Variants in MAP3K4 observed in about 807,000 individuals in gnomAD.
MAP3K4 encodes MAP three kinase 1.
In MAP3K4, 67 loss-of-function variants were observed where a neutral mutation model predicts 185.6. The ratio of observed to expected loss-of-function variants is 0.36; its 90% CI spans 0.30 to 0.44. The LOEUF is 0.44. Ranked by LOEUF, MAP3K4 falls within the 20% of genes least tolerant of loss-of-function variation. The probability of loss-of-function intolerance (pLI) is 1.00; values close to 1 mark genes in which losing one functional copy is unlikely to be tolerated. For missense variants in MAP3K4, 1,551 were observed against 1,995.1 expected, an observed-to-expected ratio of 0.78 and a Z score of 4.24; for synonymous variants, 702 against 710.4, an observed-to-expected ratio of 0.99 and a Z score of 0.19.
chr6:161,048,228 ATATATTTT>A lies in MAP3K4; in HGVS notation c.344-387_344-380del, dbSNP rs772009341. The A allele has an allele frequency of 1.9e-6, 1 of 534,824 alleles. No homozygotes were observed. Among genetic ancestry groups the A allele is most frequent in the South Asian group, 1.4e-5 (1 of 71,102 alleles). The allele number at this position is 534,824 out of a possible 1,614,324, so 33.1% of individuals were successfully genotyped here. ...AGCTAATGACAAATGCAGGAATTAA[ATATATTTT>A]CTCATCCAGGTGTCCGTCAGATCTC... On this transcript the variant is annotated intron_variant, in intron 2 of 26. Transcript: ENST00000392142. The surrounding 1 kb of genome is among the most constrained non-coding windows in gnomAD (Gnocchi z 4.7).
intron 1 of MAP3K4, among the ~76,000 whole-genome samples, chr6:161,030,452 T>G (rs1782872262): frequency 6.6e-6 from 1 of 152,164 alleles, no homozygotes; most frequent in Admixed American, 6.5e-5. Flanking sequence ...TTTGTTTGTT[T>G]GTTTGATTGA....
chr6:161,060,901 C>T (rs911220519), intron 3 of MAP3K4, among the ~76,000 whole-genome samples: 8 of 151,986 alleles, frequency 5.3e-5, no homozygotes, highest in South Asian at 2.1e-4. Flanking sequence ...ATTACAGGCA[C>T]GAGCCACCGC....
At position 161,087,508 on chromosome 6, in the gene MAP3K4, C is replaced by T. The variant is rs985282802; in HGVS notation, c.2557-180C>T. ...TCCTCCAGTGCGTTCACAGACTCTCCTCCTCCTGCCTCCTTCAGTCACACT... is the reference window on the plus strand; with the variant it reads ...TCCTCCAGTGCGTTCACAGACTCTCTTCCTCCTGCCTCCTTCAGTCACACT... On this transcript the variant is annotated intron_variant, in intron 9 of 26. Coordinates refer to ENST00000392142, the MANE Select transcript of MAP3K4 (RefSeq NM_005922.4). This position sits in a 1 kb window ranked among gnomAD's most constrained non-coding sequence, Gnocchi z 4.9. 6.6e-6 allele frequency among the ~76,000 whole-genome samples: 1 copy of T among 152,122 alleles called. No homozygotes were observed.
chr6:160,994,981 G>C (rs1156775838), intron 1 of MAP3K4, among the ~76,000 whole-genome samples: 1 of 152,234 alleles, frequency 6.6e-6, no homozygotes, highest in Non-Finnish European at 1.5e-5. Flanking sequence ...TTACAGGCGT[G>C]AGCCACTGCG....
In MAP3K4 at chr6:161,048,480, A is replaced by G; in HGVS notation, c.344-136A>G. ...TTTTTTGATTCCTTTAATTTTTAGGATATGGTATGCTTTTTTTTCTTCCAT... is the reference window on the plus strand; with the variant it reads ...TTTTTTGATTCCTTTAATTTTTAGGGTATGGTATGCTTTTTTTTCTTCCAT... On this transcript the variant is annotated intron_variant, in intron 2 of 26. Coordinates refer to ENST00000392142, the MANE Select transcript of MAP3K4 (RefSeq NM_005922.4). The surrounding 1 kb of genome is among the most constrained non-coding windows in gnomAD (Gnocchi z 4.7). The G allele has an allele frequency of 1.6e-6, 1 of 606,604 alleles. No individual in the cohort carries two copies. The highest frequency in any genetic ancestry group is 2.8e-6 in the Non-Finnish European group (1 of 357,480). The allele number at this position is 606,604 out of a possible 1,614,324, so 37.6% of individuals were successfully genotyped here.
chr6:161,009,054 G>A (rs968940669), intron 1 of MAP3K4, among the ~76,000 whole-genome samples: 2 of 149,606 alleles, frequency 1.3e-5, no homozygotes, highest in African/African-American at 2.5e-5. Context: ...GCACGATCTC[G>A]GCTTACCACA....
rs1337939793 is a variant in MAP3K4, at chr6:161,053,502, T to C, written c.1707+3523T>C. ...CAACTGTATTTTTATTTTTAAGATATCTTCTGCCTTTTAACCTCTGCCAAA... is the reference window on the plus strand; with the variant it reads ...CAACTGTATTTTTATTTTTAAGATACCTTCTGCCTTTTAACCTCTGCCAAA... On this transcript the variant is annotated intron_variant, in intron 3 of 26. Transcript: ENST00000392142. This position sits in a 1 kb window ranked among gnomAD's most constrained non-coding sequence, Gnocchi z 4.2. Among the ~76,000 whole-genome samples the C allele has an allele frequency of 1.3e-5, 2 of 152,244 alleles. No individual in the cohort carries two copies. Among genetic ancestry groups the C allele is most frequent in the African/African-American group, 2.4e-5 (1 of 41,466 alleles).
intron 1 of MAP3K4, among the ~76,000 whole-genome samples, chr6:161,014,907 C>T (rs554170341): frequency 6.6e-6 from 1 of 152,288 alleles, no homozygotes; most frequent in South Asian, 2.1e-4. Context: ...ATTACCAACC[C>T]CCTGCCCGGT....
Position 161,022,151 on chromosome 6 carries a change from A to G in MAP3K4, c.153-12108A>G, listed in dbSNP as rs1408089944. On this transcript the variant is annotated intron_variant, in intron 1 of 26. Transcript: ENST00000392142. This position sits in a 1 kb window ranked among gnomAD's most constrained non-coding sequence, Gnocchi z 4.2. ...CTCATGTGAAAGGAACGGAGACTCA[A>G]GCCTGATCTGATGAGGCTGTGTTAG... 2 of 152,246 alleles carry G rather than the reference A, an allele frequency of 1.3e-5. No individual in the cohort carries two copies. Among genetic ancestry groups the G allele is most frequent in the African/African-American group, 2.4e-5 (1 of 41,464 alleles). 9.4% of individuals were successfully genotyped at this position (152,246 alleles called of 1,614,324 possible). A position where few individuals can be genotyped will look rare whatever the true frequency, so the allele number is the denominator to read the frequency against.
chr6:161,036,460 T>G (rs1030732720), intron 2 of MAP3K4, among the ~76,000 whole-genome samples: 2 of 152,366 alleles, frequency 1.3e-5, no homozygotes, highest in African/African-American at 2.4e-5. Context: ...AAAAGTAGCT[T>G]CTTTTACCAT....
At chr6:161,083,669 TTA>T (rs1785563818) in intron 6 of MAP3K4, among the ~76,000 whole-genome samples, 1 of 152,218 alleles carries the variant, frequency 6.6e-6, no homozygotes. Flanking sequence ...TTAATCATAT[TTA>T]TTGTTCTTCC....
rs975077609 is a variant in MAP3K4 at position 161,051,749 on chromosome 6, C to T, written c.1707+1770C>T. ...GTAGTATTTACATACAACCTATGTG[C>T]ATCCTCCTGTATGCTTTAAATCATC... On this transcript the variant is annotated intron_variant, in intron 3 of 26. Transcript: ENST00000392142. This position sits in a 1 kb window ranked among gnomAD's most constrained non-coding sequence, Gnocchi z 4.2. Among the ~76,000 whole-genome samples, 4 of 152,196 alleles carry T rather than the reference C, an allele frequency of 2.6e-5. No individual in the cohort carries two copies. Among genetic ancestry groups the T allele is most frequent in the African/African-American group, 9.7e-5 (4 of 41,446 alleles).
intron 1 of MAP3K4, among the ~76,000 whole-genome samples, chr6:161,004,084 A>G (rs1187595418): frequency 1.4e-5 from 2 of 141,856 alleles, no homozygotes; most frequent in Non-Finnish European, 3.1e-5. Flanking sequence ...TATCAGAGAA[A>G]GAGATTCTGT....
rs974111967 is a variant in MAP3K4 at position 161,067,718 on chromosome 6, G to A, written c.1708-2890G>A. On this transcript the variant is annotated intron_variant, in intron 3 of 26. Coordinates refer to ENST00000392142, the MANE Select transcript of MAP3K4 (RefSeq NM_005922.4). This position sits in a 1 kb window ranked among gnomAD's most constrained non-coding sequence, Gnocchi z 6.3. ...GATGTCAGGTTATAATAGACTAAAC[G>A]TCTGTGTTTTAAGAGACAAGAATTT... Among the ~76,000 whole-genome samples, 3 of 152,168 alleles carry A rather than the reference G, an allele frequency of 2.0e-5. No individual in the cohort carries two copies. Among genetic ancestry groups the A allele is most frequent in the African/African-American group, 4.8e-5 (2 of 41,444 alleles).
rs1210435419 is a variant in MAP3K4, at chr6:161,077,493, A to C, written c.2098-3388A>C. 2.6e-5 allele frequency among the ~76,000 whole-genome samples: 4 copies of C among 152,304 alleles called. No individual in the cohort carries two copies. In the East Asian group the frequency reaches 7.7e-4, roughly 29 times the overall value. On this transcript the variant is annotated intron_variant, in intron 5 of 26. Coordinates refer to ENST00000392142, the MANE Select transcript of MAP3K4 (RefSeq NM_005922.4). The surrounding 1 kb of genome is among the most constrained non-coding windows in gnomAD (Gnocchi z 4.3). ...GTAGCAGGTGCGGTCCGCTTGGGAA[A>C]GGAGCCTGGCAAGAGCAAGGCACCG...
intron 3 of MAP3K4, among the ~76,000 whole-genome samples, chr6:161,065,214 A>G (rs916672133): frequency 6.6e-6 from 1 of 152,222 alleles, no homozygotes; most frequent in African/African-American, 2.4e-5. Context: ...TGCTTCTGCT[A>G]TGTGAAGGTT....
chr6:160,996,892 G>T lies in MAP3K4; in HGVS notation c.152+4809G>T, dbSNP rs190210382. ...GAGTTGAATGATCCCGGTGACTCATGTTAGCAGACCAGTGAGGTGGGCTTG... is the reference window on the plus strand; with the variant it reads ...GAGTTGAATGATCCCGGTGACTCATTTTAGCAGACCAGTGAGGTGGGCTTG... On this transcript the variant is annotated intron_variant, in intron 1 of 26. Transcript: ENST00000392142. This position sits in a 1 kb window ranked among gnomAD's most constrained non-coding sequence, Gnocchi z 4.5. Among the ~76,000 whole-genome samples the T allele has an allele frequency of 2.4e-4, 37 of 152,338 alleles. No individual in the cohort carries two copies. In the East Asian group the frequency reaches 5.4e-3, roughly 22 times the overall value.
chr6:161,049,903 T>C lies in MAP3K4; in HGVS notation c.1631T>C (p.Leu544Ser). Residue 544 changes from leucine (L) to serine (S), a missense_variant, in exon 3 of 27, where the codon TTA becomes TCA. Leu to Ser is a moderately radical substitution (Grantham distance 145). This residue lies in a region of MAP3K4 where 86 missense variants were observed against 81.6 expected (regional missense o/e 1.05). Coordinates refer to ENST00000392142, the MANE Select transcript of MAP3K4 (RefSeq NM_005922.4). The surrounding 1 kb of genome is among the most constrained non-coding windows in gnomAD (Gnocchi z 8.4). Reference sequence around the variant, plus strand: ...CAGATGGGGTTAAGAAAGTTAATTTTAAGACTTCACAAGCTAATGGATGGT... The same window carrying C: ...CAGATGGGGTTAAGAAAGTTAATTTCAAGACTTCACAAGCTAATGGATGGT... Reference protein sequence around the residue: ...LKQMGLRKLILRLHKLMDGSL... With the variant: ...LKQMGLRKLISRLHKLMDGSL... The C allele has an allele frequency of 6.2e-7, 1 of 1,614,100 alleles. No homozygotes were observed. Among genetic ancestry groups the C allele is most frequent in the Non-Finnish European group, 8.5e-7 (1 of 1,179,996 alleles).
In MAP3K4 at chr6:161,080,420, C is replaced by T. The variant is rs528053868; in HGVS notation, c.2098-461C>T. Among the ~76,000 whole-genome samples, 30 of 152,228 alleles carry T rather than the reference C, an allele frequency of 2.0e-4. No homozygotes were observed. The highest frequency in any genetic ancestry group is 1.8e-3 in the Admixed American group (27 of 15,302). ...TGCAAGCCTTGAAAACATTTTATCA[C>T]GCAAATCCGGATGTTAGGAAGGGGT... On this transcript the variant is annotated intron_variant, in intron 5 of 26. Coordinates refer to ENST00000392142, the MANE Select transcript of MAP3K4 (RefSeq NM_005922.4). The surrounding 1 kb of genome is among the most constrained non-coding windows in gnomAD (Gnocchi z 4.8).
Sources: gnomAD v4.1 joint callset for allele counts (sites outside exome capture counted in the v4.1 genomes callset) on GRCh38, gnomAD v4.1.1 for gene constraint, gnomAD v4.1.1 regional missense constraint, Gnocchi (gnomAD v3.1) non-coding constraint, MANE v1.5 for transcripts, NCBI Gene and HGNC (gene_info 2026-07-23, HGNC 2026-07-21) for gene names.